Variants in SLC39A12 observed in about 807,000 individuals in gnomAD.
SLC39A12 encodes the protein zinc transporter ZIP12.
Under a neutral mutation model 71.1 loss-of-function variants are expected in SLC39A12, and 63 were observed. That is an observed-to-expected ratio of 0.89 (90% confidence interval 0.72 to 1.09). The LOEUF is 1.09. Among genes scored for constraint, SLC39A12 ranks in the 50% least tolerant of loss-of-function variants. The pLI, the probability that SLC39A12 is intolerant of heterozygous loss-of-function variation, is 0.00. For synonymous variants in SLC39A12, 351 were observed against 301.3 expected (o/e 1.16, Z -1.71); for missense variants, 892 against 812.6 (o/e 1.10, Z -1.19).
intron 12 of SLC39A12, 122 bp downstream of exon 12, chr10:18,003,480 C>T (rs747956715): frequency 2.9e-5 from 26 of 894,676 alleles, no homozygotes; most frequent in African/African-American, 1.0e-4. Flanking sequence ...ACAATATAAA[C>T]CATTAAGGAA....
intron 9 of SLC39A12, among the ~76,000 whole-genome samples, chr10:17,994,954 C>T (rs966475991): frequency 3.6e-5 from 5 of 139,316 alleles, no homozygotes; most frequent in East Asian, 2.1e-4. Flanking sequence ...AAATCAGAGG[C>T]GCCAAGACGG....
chr10:18,026,859 A>C (rs1260076246), intron 12 of SLC39A12, among the ~76,000 whole-genome samples: 3 of 152,060 alleles, frequency 2.0e-5, no homozygotes, highest in African/African-American at 4.8e-5. Context: ...AATCTCTAGC[A>C]TTTATTTTTT....
intron 12 of SLC39A12, among the ~76,000 whole-genome samples, chr10:18,003,877 A>ACC (rs1835912779): frequency 6.6e-6 from 1 of 152,224 alleles, no homozygotes; most frequent in Admixed American, 6.5e-5. Flanking sequence ...TAATTAACCA[A>ACC]ATGTGTTTTT....
chr10:18,033,386 T>TA (rs1337407063), intron 12 of SLC39A12, among the ~76,000 whole-genome samples: 8 of 149,246 alleles, frequency 5.4e-5, no homozygotes, highest in African/African-American at 2.0e-4. Context: ...TGGGAGGGTG[T>TA]ATGTGTCGAG....
intron 2 of SLC39A12, among the ~76,000 whole-genome samples, chr10:17,956,809 A>T (rs1464215842): frequency 1.3e-5 from 2 of 152,214 alleles, no homozygotes; most frequent in Non-Finnish European, 2.9e-5. Context: ...GAAAACACCC[A>T]GCTTTGTCTT....
At chr10:17,997,373 G>A (rs2130836139) in intron 10 of SLC39A12, among the ~76,000 whole-genome samples, 1 of 152,210 alleles carries the variant, frequency 6.6e-6, no homozygotes, top group South Asian at 2.1e-4. Context: ...TTCAAAATAT[G>A]TAATTACATA....
chr10:17,992,649 G>A (rs1450306841), intron 8 of SLC39A12, among the ~76,000 whole-genome samples: 3 of 152,184 alleles, frequency 2.0e-5, no homozygotes, highest in Non-Finnish European at 4.4e-5. Flanking sequence ...TAATTCAGTA[G>A]TTAGAAATCC....
In SLC39A12 at chr10:17,991,171, G is replaced by T; in HGVS notation, c.1290G>T (p.Gln430His). Residue 430 changes from glutamine (Q) to histidine (H), a missense_variant, in exon 8 of 13, where the codon CAG becomes CAT. Coordinates refer to ENST00000377369, the MANE Select transcript of SLC39A12 (RefSeq NM_001145195.2). ...LIPQVLGLHK[Q>H]EAPEFGHFHE... is the part of the protein sequence containing the mutation. ...TGAAGGTTCTTGGTTTACATAAGCAGGAAGCCCCAGAATTTGGGCATTTCC... is the reference window on the plus strand; with the variant it reads ...TGAAGGTTCTTGGTTTACATAAGCATGAAGCCCCAGAATTTGGGCATTTCC... 6.5e-7 allele frequency: 1 copy of T among 1,547,714 alleles called. No individual in the cohort carries two copies. The highest frequency in any genetic ancestry group is 1.7e-4 in the Middle Eastern group (1 of 5,818).
chr10:17,992,266 A>G (rs572204275), intron 8 of SLC39A12, among the ~76,000 whole-genome samples: 6 of 152,324 alleles, frequency 3.9e-5, no homozygotes, highest in Non-Finnish European at 8.8e-5. Context: ...TAAAATAATC[A>G]TAGGATCAAG....
At chr10:17,963,857 A>G (rs1240057860) in intron 3 of SLC39A12, among the ~76,000 whole-genome samples, 1 of 152,180 alleles carries the variant, frequency 6.6e-6, no homozygotes, top group African/African-American at 2.4e-5. Flanking sequence ...GATCCCCAAG[A>G]GAATCAACTT....
In SLC39A12 at chr10:17,965,225, A is replaced by G. The variant is rs377505218; in HGVS notation, c.544-258A>G. Among the ~76,000 whole-genome samples, 423 of 152,116 alleles carry G rather than the reference A, an allele frequency of 2.8e-3. 1 individual carries two copies. The highest frequency in any genetic ancestry group is 9.7e-3 in the African/African-American group (403 of 41,508). On this transcript the variant is annotated intron_variant, in intron 3 of 12. Transcript: ENST00000377369. ...TCGGTCTAAAAAAAAGAAAAAAAAA[A>G]GGATAGGGAGAAAAGCTGGATAAAT... is the stretch of plus-strand genomic sequence containing the variant.
rs1201118748 is a variant in SLC39A12, at chr10:18,017,894, A to T, written c.1947+14536A>T. ...ATTTCTTCCACTCCATGTGAACTTT[A>T]ATATCAGTTTGTTGATACCCATTAA... On this transcript the variant is annotated intron_variant, in intron 12 of 12. Transcript: ENST00000377369. Among the ~76,000 whole-genome samples, 3 of 152,186 alleles carry T rather than the reference A, an allele frequency of 2.0e-5. No individual in the cohort carries two copies. The South Asian group carries it at 6.2e-4, about 32-fold the overall frequency.
chr10:17,975,213 T>A (rs1306886266), intron 4 of SLC39A12, among the ~76,000 whole-genome samples: 1 of 151,842 alleles, frequency 6.6e-6, no homozygotes, highest in Non-Finnish European at 1.5e-5. Flanking sequence ...AAGGGCCAAG[T>A]CCTGGAATCT....
intron 12 of SLC39A12, among the ~76,000 whole-genome samples, chr10:18,040,620 T>C (rs1837196025): frequency 6.6e-6 from 1 of 151,790 alleles, no homozygotes; most frequent in African/African-American, 2.4e-5. Context: ...AAATACAAAA[T>C]TAGCCAAGCA....
intron 12 of SLC39A12, among the ~76,000 whole-genome samples, chr10:18,025,212 G>A (rs1293435126): frequency 6.8e-6 from 1 of 146,528 alleles, no homozygotes; most frequent in Non-Finnish European, 1.5e-5. Flanking sequence ...ATTTTACATG[G>A]TTCTGTTTTC....
At chr10:18,005,703 G>T (rs1835995116) in intron 12 of SLC39A12, 1 of 152,202 alleles carries the variant, frequency 6.6e-6, no homozygotes, top group African/African-American at 2.4e-5. Context: ...TCCTTTCAAT[G>T]TTCCTGCTCC....
At chr10:17,955,824 T>C (rs1554847725) in intron 2 of SLC39A12, among the ~76,000 whole-genome samples, 1 of 152,204 alleles carries the variant, frequency 6.6e-6, no homozygotes, top group Non-Finnish European at 1.5e-5. Flanking sequence ...GATCCTGGCT[T>C]TTTCTTTCTT....
Position 17,991,144 on chromosome 10 carries a change from C to CT in SLC39A12, c.1270-7_1270-6insT. The CT allele has an allele frequency of 7.5e-7, 1 of 1,338,318 alleles. No individual in the cohort carries two copies. The highest frequency in any genetic ancestry group is 9.9e-7 in the Non-Finnish European group (1 of 1,012,928). 82.9% of individuals were successfully genotyped at this position (1,338,318 alleles called of 1,614,324 possible). A position where few individuals can be genotyped will look rare whatever the true frequency, so the allele number is the denominator to read the frequency against. ...CTCTGCCTTTTTTTTTTTTTTTTCC[C>CT]CTGAAGGTTCTTGGTTTACATAAGC... On this transcript the variant is annotated splice_polypyrimidine_tract_variant and splice_region_variant and intron_variant, in intron 7 of 12. Transcript: ENST00000377369.
At chr10:18,040,678 A>T (rs975660566) in intron 12 of SLC39A12, among the ~76,000 whole-genome samples, 2 of 151,630 alleles carry the variant, frequency 1.3e-5, no homozygotes, top group Non-Finnish European at 2.9e-5. Flanking sequence ...CTGAGGTAGG[A>T]GAATCGCCAT....
Sources: allele counts gnomAD v4.1 joint callset (sites outside exome capture counted in the v4.1 genomes callset), GRCh38; gene constraint gnomAD v4.1.1; transcripts MANE v1.5; gene names NCBI Gene and HGNC (gene_info 2026-07-23, HGNC 2026-07-21).